DEAF1: variants seen among roughly 807,000 people sequenced by gnomAD.
DEAF1 encodes deformed epidermal autoregulatory factor 1 homolog.
DEAF1 carries 53 observed loss-of-function variants against 58.9 expected under a neutral mutation model. The ratio of observed to expected loss-of-function variants is 0.90; its 90% confidence interval spans 0.72 to 1.13. The LOEUF (loss-of-function observed/expected upper bound fraction) is 1.13. DEAF1 is among the 50% of genes most tolerant of loss of function. The pLI, the probability that DEAF1 is intolerant of heterozygous loss-of-function variation, is 0.00. For synonymous variants in DEAF1, 385 were observed against 340.4 expected (o/e 1.13, Z -1.44); for missense variants, 685 against 791.4 (o/e 0.87, Z 1.61).
chr11:659,227 A>AC (rs1859204432), intron 10 of DEAF1, among the ~76,000 whole-genome samples: 1 of 116,516 alleles, frequency 8.6e-6, no homozygotes, highest in African/African-American at 3.9e-5. Flanking sequence ...CCCTGTCTCT[A>AC]CAAAAAAAAA....
At chr11:645,235 G>A (rs916938937) in intron 11 of DEAF1, among the ~76,000 whole-genome samples, 2 of 151,438 alleles carry the variant, frequency 1.3e-5, no homozygotes, top group African/African-American at 4.9e-5. Flanking sequence ...TGTTAGGGAT[G>A]TAAACAAAAA....
At position 686,909 on chromosome 11, in the gene DEAF1, G is replaced by A. The variant is rs1860617657; in HGVS notation, c.753C>T (p.Asp251=). The A allele has an allele frequency of 1.2e-6, 2 of 1,614,136 alleles. No homozygotes were observed. The highest frequency in any genetic ancestry group is 2.7e-5 in the African/African-American group (2 of 74,950). Residue 251 remains aspartate (D), a synonymous_variant, in exon 5 of 12, where the codon GAC becomes GAT. Transcript: ENST00000382409. ...EAMAGRASSK[D]WKRSIRYAGR... ...CCGCGTAGCGAATGCTTCTTTTCCA[G>A]TCCTTACTGCTGGCTCTTCCTGCCA...
intron 1 of DEAF1, among the ~76,000 whole-genome samples, chr11:701,654 C>T (rs1861497194): frequency 1.3e-5 from 2 of 152,070 alleles, no homozygotes; most frequent in Admixed American, 1.3e-4. Context: ...CCTGATCCGC[C>T]CACCTCGGCC....
At chr11:666,692 C>T (rs1031795043) in intron 10 of DEAF1, among the ~76,000 whole-genome samples, 4 of 151,544 alleles carry the variant, frequency 2.6e-5, no homozygotes, top group African/African-American at 9.7e-5. Context: ...GGCGACAGAG[C>T]AAGACTCCGT....
rs148103570 is a variant in DEAF1 at position 644,960 on chromosome 11, C to T, written c.1594-306G>A. Among the ~76,000 whole-genome samples, 950 of 152,158 alleles carry T rather than the reference C, an allele frequency of 6.2e-3. 7 individuals are homozygous for T. Among genetic ancestry groups the T allele is most frequent in the African/African-American group, 0.022 (916 of 41,540 alleles). Reference sequence around the variant, plus strand: ...GGTGGATCCCCTGAGGTCAGGAGTTCGAGACCAGCCTGGCCAACATGGTGA... The same window carrying T: ...GGTGGATCCCCTGAGGTCAGGAGTTTGAGACCAGCCTGGCCAACATGGTGA... On this transcript the variant is annotated intron_variant, in intron 11 of 11. Coordinates refer to ENST00000382409, the MANE Select transcript of DEAF1 (RefSeq NM_021008.4). This position sits in a 1 kb window ranked among gnomAD's most constrained non-coding sequence, Gnocchi z 4.3.
upstream of DEAF1, chr11:695,570 G>T: frequency 1.6e-6 from 2 of 1,233,584 alleles, no homozygotes; most frequent in Non-Finnish European, 2.0e-6. Flanking sequence ...GAGTCAGCCC[G>T]AGGCCGAGCC....
At chr11:686,057 C>A (rs943281491) in intron 5 of DEAF1, among the ~76,000 whole-genome samples, 2 of 149,838 alleles carry the variant, frequency 1.3e-5, no homozygotes, top group African/African-American at 4.9e-5. Flanking sequence ...CCGAGGCAGG[C>A]AGATCACCTG....
At chr11:649,207 C>G (rs913244511) in intron 11 of DEAF1, among the ~76,000 whole-genome samples, 2 of 151,756 alleles carry the variant, frequency 1.3e-5, no homozygotes, top group African/African-American at 4.8e-5. Flanking sequence ...GCCGAGATTG[C>G]GCCACTGCAC....
intron 10 of DEAF1, among the ~76,000 whole-genome samples, chr11:658,810 C>T (rs1174483455): frequency 1.3e-5 from 2 of 152,232 alleles, no homozygotes; most frequent in African/African-American, 4.8e-5. Flanking sequence ...GCAGGGGCCC[C>T]CCATCTGCAC....
intron 1 of DEAF1, chr11:700,835 T>A (rs1861422548): frequency 1.0e-5 from 9 of 900,866 alleles, no homozygotes; most frequent in Middle Eastern, 2.4e-4. Context: ...GCTTACCCAG[T>A]TGCTTTGCAG....
chr11:644,343 G>T lies in DEAF1; in HGVS notation c.*207C>A, dbSNP rs531677545. ...GATCCCAGGGATAAAAAATCTGTCC[G>T]CGAGCGGGCAGGGGGCCCGGGCAGG... On this transcript the variant is annotated 3_prime_UTR_variant, in exon 12 of 12. Transcript: ENST00000382409. This position sits in a 1 kb window ranked among gnomAD's most constrained non-coding sequence, Gnocchi z 4.3. 1.6e-6 allele frequency: 1 copy of T among 622,664 alleles called. No homozygotes were observed. Among genetic ancestry groups the T allele is most frequent in the African/African-American group, 1.8e-5 (1 of 54,960 alleles). The allele number at this position is 622,664 out of a possible 1,614,324, so 38.6% of individuals were successfully genotyped here.
At chr11:652,305 C>T (rs1037691950) in intron 11 of DEAF1, among the ~76,000 whole-genome samples, 2 of 152,136 alleles carry the variant, frequency 1.3e-5, no homozygotes, top group African/African-American at 4.8e-5. Flanking sequence ...AATCACACGG[C>T]AAATATTTTC....
chr11:701,080 A>C (rs1446232726), intron 1 of DEAF1: 2 of 282,650 alleles, frequency 7.1e-6, no homozygotes, highest in Non-Finnish European at 1.4e-5. Context: ...AGAGCCCTGG[A>C]GAGTTCTGCC....
At chr11:651,834 T>C (rs934587053) in intron 11 of DEAF1, among the ~76,000 whole-genome samples, 9 of 152,158 alleles carry the variant, frequency 5.9e-5, no homozygotes, top group Admixed American at 3.3e-4. Context: ...TGCGGTGAGC[T>C]GAGATGGCGC....
chr11:675,588 C>T (rs1281819516), intron 9 of DEAF1, among the ~76,000 whole-genome samples: 1 of 152,074 alleles, frequency 6.6e-6, no homozygotes, highest in Non-Finnish European at 1.5e-5. Context: ...TTTGGGAGGC[C>T]GAGGCGGGCA....
chr11:679,635 T>C, intron 8 of DEAF1, 53 bp downstream of exon 8: 1 of 1,603,486 alleles, frequency 6.2e-7, no homozygotes. Context: ...GGATGTGATG[T>C]CACAGACAGG....
At chr11:693,602 T>C (rs1287754362) in intron 1 of DEAF1, 1 of 152,032 alleles carries the variant, frequency 6.6e-6, no homozygotes, top group African/African-American at 2.4e-5. Context: ...GAGCTGTGAG[T>C]CCCTGGGGGA....
rs2133364345 is a variant in DEAF1 at position 674,408 on chromosome 11, C to A, written c.1503+128G>T. ...CATTTGTAAATGACTCTCCACAGCT[C>A]CCTTTTCCAGAAAGGTGGGGCAGGG... On this transcript the variant is annotated intron_variant, in intron 10 of 11. Coordinates refer to ENST00000382409, the MANE Select transcript of DEAF1 (RefSeq NM_021008.4). 3 of 1,281,140 alleles carry A rather than the reference C, an allele frequency of 2.3e-6. No homozygotes were observed. The East Asian group carries it at 7.0e-5, about 30-fold the overall frequency. The allele number at this position is 1,281,140 out of a possible 1,614,324, so 79.4% of individuals were successfully genotyped here. A position where few individuals can be genotyped will look rare whatever the true frequency, so the allele number is the denominator to read the frequency against.
chr11:704,433 G>A (rs1270780266), intron 1 of DEAF1: 1 of 1,288,290 alleles, frequency 7.8e-7, no homozygotes, highest in South Asian at 1.2e-5. Context: ...ACCTGTCTGT[G>A]GCCCCCAGTG....
Sources: allele counts gnomAD v4.1 joint callset (sites outside exome capture counted in the v4.1 genomes callset), GRCh38; gene constraint gnomAD v4.1.1; non-coding constraint Gnocchi (gnomAD v3.1); transcripts MANE v1.5; gene names NCBI Gene and HGNC (gene_info 2026-07-23, HGNC 2026-07-21).